The following TSPAN12 variants were observed in gnomAD, a reference collection of about 807,000 sequenced individuals.
The protein encoded by TSPAN12 is tetraspanin 12.
In TSPAN12, 19 loss-of-function variants were observed where a neutral mutation model predicts 39.2. The observed-to-expected ratio is 0.49, with a 90% confidence interval of 0.34 to 0.71. TSPAN12 has a LOEUF of 0.71. Among genes scored for constraint, TSPAN12 ranks in the 30% least tolerant of loss-of-function variants. The probability of loss-of-function intolerance (pLI) is 0.01; values close to 1 mark genes in which losing one functional copy is unlikely to be tolerated. For synonymous variants in TSPAN12, 119 were observed against 124.8 expected (o/e 0.95, Z 0.31); for missense variants, 314 against 359.9 (o/e 0.87, Z 1.03).
At chr7:120,790,754 C>T (rs73425871) in intron 7 of TSPAN12, among the ~76,000 whole-genome samples, 7,418 of 152,132 alleles carry the variant, frequency 0.049, 222 homozygotes, top group Non-Finnish European at 0.054. Flanking sequence ...TTACATAGTT[C>T]GGGAAGAGTC....
chr7:120,839,705 G>A (rs1338155810), intron 3 of TSPAN12, among the ~76,000 whole-genome samples: 2 of 152,126 alleles, frequency 1.3e-5, no homozygotes, highest in African/African-American at 2.4e-5. Flanking sequence ...GGAAGCTGAC[G>A]GTAATTTTCT....
At chr7:120,826,955 A>T (rs6964667) in intron 4 of TSPAN12, among the ~76,000 whole-genome samples, 60,054 of 152,042 alleles carry the variant, frequency 0.39, 14,420 homozygotes, top group African/African-American at 0.68. Context: ...ACTCTTGACC[A>T]CAAGTGATCC....
At chr7:120,789,982 T>C (rs760739321) in intron 7 of TSPAN12, among the ~76,000 whole-genome samples, 1 of 152,188 alleles carries the variant, frequency 6.6e-6, no homozygotes, top group African/African-American at 2.4e-5. Context: ...CAGATTTTCA[T>C]GCACTATGCG....
intron 4 of TSPAN12, among the ~76,000 whole-genome samples, chr7:120,833,448 A>C (rs1794424066): frequency 6.6e-6 from 1 of 152,044 alleles, no homozygotes; most frequent in South Asian, 2.1e-4. Flanking sequence ...CTCCAAGGCC[A>C]TTAAAATTTC....
rs1793881680 is a variant in TSPAN12 at position 120,806,707 on chromosome 7, ACTAGT to A, written c.469-20_469-16del. On this transcript the variant is annotated splice_polypyrimidine_tract_variant and intron_variant, in intron 6 of 7. Coordinates refer to ENST00000222747, the MANE Select transcript of TSPAN12 (RefSeq NM_012338.4). ...CAGCACTTAAACTGCAAAAAAAATC[ACTAGT>A]CAGCCTCAGAAACCACAAAAATATT... 6.2e-7 allele frequency: 1 copy of A among 1,612,860 alleles called. No individual in the cohort carries two copies. The highest frequency in any genetic ancestry group is 8.5e-7 in the Non-Finnish European group (1 of 1,179,062).
rs746971622 is a variant in TSPAN12, at chr7:120,810,419, A to G, written c.468+44T>C. On this transcript the variant is annotated intron_variant, in intron 6 of 7. Transcript: ENST00000222747. ...CTTTAAACATCTGGTTTGAAGGTGC[A>G]CCACTTACTTCACTCTCTCTACCTC... 14 of 1,210,064 alleles carry G rather than the reference A, an allele frequency of 1.2e-5. No homozygotes were observed. The East Asian group carries it at 3.3e-4, about 28-fold the overall frequency. 75.0% of individuals were successfully genotyped at this position (1,210,064 alleles called of 1,614,324 possible).
intron 4 of TSPAN12, among the ~76,000 whole-genome samples, chr7:120,822,629 A>T: frequency 6.6e-6 from 1 of 152,122 alleles, no homozygotes; most frequent in East Asian, 1.9e-4. Context: ...TCCCCAAAAT[A>T]CTCAGGTATT....
At chr7:120,819,541 T>G (rs1345509371) in intron 4 of TSPAN12, among the ~76,000 whole-genome samples, 1 of 152,152 alleles carries the variant, frequency 6.6e-6, no homozygotes. Context: ...TTTGTTTGAC[T>G]TTGAGGTTGA....
At chr7:120,843,830 A>G (rs1794622121) in intron 2 of TSPAN12, among the ~76,000 whole-genome samples, 1 of 152,206 alleles carries the variant, frequency 6.6e-6, no homozygotes, top group Non-Finnish European at 1.5e-5. Flanking sequence ...CTGTGGGCAC[A>G]TGTTCTCCCT....
chr7:120,833,978 G>A (rs1734283258), intron 4 of TSPAN12, among the ~76,000 whole-genome samples: 1 of 152,068 alleles, frequency 6.6e-6, no homozygotes, highest in African/African-American at 2.4e-5. Flanking sequence ...TGAAATTACC[G>A]TGAAAGGCAT....
At chr7:120,832,043 T>C (rs946333191) in intron 4 of TSPAN12, among the ~76,000 whole-genome samples, 27 of 152,216 alleles carry the variant, frequency 1.8e-4, no homozygotes, top group African/African-American at 6.0e-4. Context: ...GTTTCTATTA[T>C]ATAAAAAAGT....
chr7:120,857,032 A>G, intron 1 of TSPAN12, 199 bp from the exon 2 acceptor site: 1 of 552,296 alleles, frequency 1.8e-6, no homozygotes, highest in South Asian at 2.0e-5. Context: ...CCGGCTTCAG[A>G]TAACACCTGC....
intron 2 of TSPAN12, among the ~76,000 whole-genome samples, chr7:120,840,491 C>CA (rs201691776): frequency 0.35 from 8,282 of 23,872 alleles, 457 homozygotes; most frequent in African/African-American, 0.49. Context: ...TAAATATTGT[C>CA]AAAAAAAGTC....
chr7:120,789,050 A>G (rs1173524239), intron 7 of TSPAN12, among the ~76,000 whole-genome samples, 153 bp from the exon 8 acceptor site: 2 of 152,152 alleles, frequency 1.3e-5, no homozygotes, highest in Non-Finnish European at 2.9e-5. Context: ...AGCTGATGAG[A>G]AGAAGGAGAG....
intron 4 of TSPAN12, among the ~76,000 whole-genome samples, chr7:120,837,118 T>G (rs546572852): frequency 5.3e-5 from 8 of 152,302 alleles, no homozygotes; most frequent in Middle Eastern, 3.4e-3. Flanking sequence ...TATGTTATAC[T>G]CTACTCAAAT....
rs370601405 is a variant in TSPAN12, at chr7:120,838,931, T to A, written c.150-19A>T. 5.0e-6 allele frequency: 8 copies of A among 1,613,048 alleles called. No homozygotes were observed. The highest frequency in any genetic ancestry group is 6.8e-6 in the Non-Finnish European group (8 of 1,179,472). Reference sequence around the variant, plus strand: ...CTCTACCCTGAAAGAAGAAAAATAATGTATTAGAAAGAAAATATAATCAAA... The same window carrying A: ...CTCTACCCTGAAAGAAGAAAAATAAAGTATTAGAAAGAAAATATAATCAAA... On this transcript the variant is annotated intron_variant, in intron 3 of 7. Transcript: ENST00000222747.
chr7:120,808,848 C>T (rs1219924402), intron 6 of TSPAN12, among the ~76,000 whole-genome samples: 2 of 151,900 alleles, frequency 1.3e-5, no homozygotes, highest in East Asian at 1.9e-4. Context: ...TTCTACCTCC[C>T]AGTACCTTAG....
intron 4 of TSPAN12, among the ~76,000 whole-genome samples, chr7:120,833,942 T>TATTA (rs781291505): frequency 1.2e-4 from 19 of 152,184 alleles, no homozygotes; most frequent in Non-Finnish European, 1.6e-4. Context: ...ACTTTCTCTG[T>TATTA]TAATGGGAGA....
rs947717894 is a variant in TSPAN12 at position 120,819,540 on chromosome 7, C to T, written c.286-3737G>A. Among the ~76,000 whole-genome samples the T allele has an allele frequency of 4.6e-5, 7 of 152,086 alleles. No individual in the cohort carries two copies. The East Asian group carries it at 1.2e-3, about 25-fold the overall frequency. ...CACTCAGGAACACTGATTTGTTTGACTTTGAGGTTGAAAAGACAAGTTTCA... is the reference window on the plus strand; with the variant it reads ...CACTCAGGAACACTGATTTGTTTGATTTTGAGGTTGAAAAGACAAGTTTCA... On this transcript the variant is annotated intron_variant, in intron 4 of 7. Transcript: ENST00000222747.
Sources: gnomAD v4.1 joint callset for allele counts (sites outside exome capture counted in the v4.1 genomes callset) on GRCh38, gnomAD v4.1.1 for gene constraint, MANE v1.5 for transcripts, NCBI Gene and HGNC (gene_info 2026-07-23, HGNC 2026-07-21) for gene names.